Variants in CENPT observed in about 807,000 individuals in gnomAD.
CENPT encodes the protein interphase centromere complex protein 22.
CENPT carries 42 observed loss-of-function variants against 59.7 expected under a neutral mutation model. The observed-to-expected ratio is 0.70, with a 90% confidence interval of 0.55 to 0.91. The LOEUF (loss-of-function observed/expected upper bound fraction) is 0.91, where lower values mean the gene tolerates loss of function less well. CENPT is among the 40% of genes least tolerant of loss of function. CENPT has a pLI of 0.00. For missense variants in CENPT, 716 were observed against 713.4 expected, an observed-to-expected ratio of 1.00 and a Z score of -0.04; for synonymous variants, 295 against 289.6, an observed-to-expected ratio of 1.02 and a Z score of -0.19.
Position 67,842,080 on chromosome 16 carries a change from CT to C in CENPT, c.-492+5320del, listed in dbSNP as rs1206331228. The C allele has an allele frequency of 1.3e-5, 2 of 152,424 alleles. No individual in the cohort carries two copies. Among genetic ancestry groups the C allele is most frequent in the African/African-American group, 4.8e-5 (2 of 41,474 alleles). The allele number at this position is 152,424 out of a possible 1,614,324, so 9.4% of individuals were successfully genotyped here. The stretch of plus-strand genomic sequence containing the variant: ...GCGCGCACCGCCCCGCTCCACGCCC[CT>C]ATCAGGATTCGGGTCCTCGTGAGGA... On this transcript the variant is annotated intron_variant, in intron 1 of 15. Coordinates refer to ENST00000562787, the MANE Select transcript of CENPT (RefSeq NM_025082.4). The surrounding 1 kb of genome is among the most constrained non-coding windows in gnomAD (Gnocchi z 4.9).
Position 67,831,715 on chromosome 16 carries a change from G to A in CENPT, c.523+39C>T, listed in dbSNP as rs748536924. On this transcript the variant is annotated intron_variant, in intron 8 of 15. Coordinates refer to ENST00000562787, the MANE Select transcript of CENPT (RefSeq NM_025082.4). ...GACTCCTCAGCCTCTCCAGAGGACA[G>A]GAGGGAGAGGGTAGCAAAAGTGGTG... 1.8e-5 allele frequency: 29 copies of A among 1,589,190 alleles called. No individual in the cohort carries two copies. The East Asian group carries it at 6.0e-4, about 33-fold the overall frequency.
In CENPT at chr16:67,842,548, C is replaced by T. The variant is rs2057769420; in HGVS notation, c.-492+4853G>A. The T allele has an allele frequency of 6.6e-7, 1 of 1,509,964 alleles. No individual in the cohort carries two copies. The highest frequency in any genetic ancestry group is 2.5e-5 in the East Asian group (1 of 40,318). The allele number at this position is 1,509,964 out of a possible 1,614,324, so 93.5% of individuals were successfully genotyped here. On this transcript the variant is annotated intron_variant, in intron 1 of 15. Coordinates refer to ENST00000562787, the MANE Select transcript of CENPT (RefSeq NM_025082.4). The surrounding 1 kb of genome is among the most constrained non-coding windows in gnomAD (Gnocchi z 4.9). ...CGGTGGGCCGGGCCGGGCCGCGCGG[C>T]GCAGCCATGCCTGGCTTTACGTGCT...
At chr16:67,845,810 A>G (rs1405798474) in intron 1 of CENPT, among the ~76,000 whole-genome samples, 2 of 152,230 alleles carry the variant, frequency 1.3e-5, no homozygotes, top group Non-Finnish European at 2.9e-5. Context: ...ATAAGCATCT[A>G]GTCAGGCAAA....
intron 13 of CENPT, 136 bp from the exon 14 acceptor site, chr16:67,828,979 T>G: frequency 1.2e-6 from 1 of 829,442 alleles, no homozygotes; most frequent in Non-Finnish European, 1.8e-6. Context: ...CCTGACCACC[T>G]GCTGAGGGGC....
chr16:67,843,469 G>T lies in CENPT; in HGVS notation c.-492+3932C>A. The T allele has an allele frequency of 6.2e-7, 1 of 1,612,840 alleles. No individual in the cohort carries two copies. Among genetic ancestry groups the T allele is most frequent in the Non-Finnish European group, 8.5e-7 (1 of 1,179,354 alleles). On this transcript the variant is annotated intron_variant, in intron 1 of 15. Coordinates refer to ENST00000562787, the MANE Select transcript of CENPT (RefSeq NM_025082.4). This position sits in a 1 kb window ranked among gnomAD's most constrained non-coding sequence, Gnocchi z 5.7. The stretch of plus-strand genomic sequence containing the variant: ...GTGAGAAGGATCGGCTGCTTGCCAT[G>T]GCTGTCATCCGCAAGAAGCACGGAA...
At chr16:67,840,694 T>A (rs2057755176) in intron 1 of CENPT, among the ~76,000 whole-genome samples, 1 of 151,898 alleles carries the variant, frequency 6.6e-6, no homozygotes, top group Non-Finnish European at 1.5e-5. Flanking sequence ...TGACACGAGT[T>A]CACCTATGTA....
chr16:67,829,299 G>A, intron 13 of CENPT, 124 bp downstream of exon 13: 1 of 778,366 alleles, frequency 1.3e-6, no homozygotes. Context: ...CCCCAGCCCA[G>A]CTGAAGCTGC....
In CENPT at chr16:67,828,715, T is replaced by C. The variant is rs767114115; in HGVS notation, c.1409A>G (p.Tyr470Cys). ...CTTCCTCTCCATGGGCATCTTGGCA[T>C]AGAAGCTAAAGAGTTTCACATAGTG... Reference protein sequence around the residue: ...LSHYVKLFSFYAKMPMERKAL... With the variant: ...LSHYVKLFSFCAKMPMERKAL... Residue 470 changes from tyrosine (Y) to cysteine (C), a missense_variant, in exon 14 of 16, where the codon TAT (tyrosine) becomes TGT (cysteine). By Grantham distance (194) the Tyr-to-Cys change is radical. Transcript: ENST00000562787. 2.0e-5 allele frequency: 32 copies of C among 1,614,066 alleles called. No homozygotes were observed. The highest frequency in any genetic ancestry group is 2.3e-5 in the Non-Finnish European group (27 of 1,180,044).
intron 1 of CENPT, among the ~76,000 whole-genome samples, chr16:67,846,564 C>T (rs1190651625): frequency 2.0e-5 from 3 of 152,246 alleles, no homozygotes; most frequent in African/African-American, 7.2e-5. Flanking sequence ...GGCAGCTGGG[C>T]CAGCTTGGGG....
intron 4 of CENPT, among the ~76,000 whole-genome samples, chr16:67,833,247 C>G (rs939695823): frequency 1.9e-4 from 29 of 152,254 alleles, no homozygotes; most frequent in African/African-American, 6.8e-4. Flanking sequence ...TGTCCTCTAG[C>G]TCCTTTCCCA....
rs1261169531 is a variant in CENPT, at chr16:67,829,408, G to A, written c.1280+15C>T. 1.3e-6 allele frequency: 2 copies of A among 1,583,112 alleles called. No homozygotes were observed. The highest frequency in any genetic ancestry group is 2.0e-5 in the Admixed American group (1 of 50,894). ...TCCCAAGAGGCCCATGAGGAATGGG[G>A]TTGTGGGATCTTACACTGCAGCACC... On this transcript the variant is annotated intron_variant, in intron 13 of 15. Transcript: ENST00000562787.
intron 11 of CENPT, 62 bp downstream of exon 11, chr16:67,830,325 AACT>A: frequency 6.4e-7 from 1 of 1,552,660 alleles, no homozygotes; most frequent in Admixed American, 1.9e-5. Context: ...GAGGAAGGAA[AACT>A]ACCATTGTCA....
chr16:67,833,722 C>G, intron 4 of CENPT, 28 bp downstream of exon 4: 2 of 1,401,990 alleles, frequency 1.4e-6, no homozygotes, highest in Non-Finnish European at 1.9e-6. Flanking sequence ...TCTAGTTGCT[C>G]AAGTACTCGG....
At chr16:67,829,143 T>C (rs1437700645) in intron 13 of CENPT, 2 of 515,132 alleles carry the variant, frequency 3.9e-6, no homozygotes, top group Non-Finnish European at 6.8e-6. Context: ...CTCTCCTTAC[T>C]CTACTGCTGC....
In CENPT at chr16:67,833,543, G is replaced by A. The variant is rs1231428721; in HGVS notation, c.110+207C>T. Reference sequence around the variant, plus strand: ...CTGGCCCGGGCCCGGCTAGAGCAATGGAACCAGTTCTCAGAGTCCCAGGCC... The same window carrying A: ...CTGGCCCGGGCCCGGCTAGAGCAATAGAACCAGTTCTCAGAGTCCCAGGCC... On this transcript the variant is annotated intron_variant, in intron 4 of 15. Transcript: ENST00000562787. 2.0e-5 allele frequency among the ~76,000 whole-genome samples: 3 copies of A among 152,160 alleles called. No individual in the cohort carries two copies. The East Asian group carries it at 5.8e-4, about 29-fold the overall frequency.
At chr16:67,833,404 C>T (rs946800688) in intron 4 of CENPT, among the ~76,000 whole-genome samples, 1 of 152,226 alleles carries the variant, frequency 6.6e-6, no homozygotes, top group Non-Finnish European at 1.5e-5. Context: ...AGGTGAGATT[C>T]TGAACCCCTA....
rs1427021637 is a variant in CENPT, at chr16:67,828,454, C to A, written c.1562+20G>T. 2.5e-6 allele frequency: 4 copies of A among 1,614,078 alleles called. No individual in the cohort carries two copies. The highest frequency in any genetic ancestry group is 2.2e-5 in the South Asian group (2 of 91,092). ...CCAAAACTCCCCCAGCCAGCACCCC[C>A]ACACCTTCCGCCTTCTCACCGCCGC... On this transcript the variant is annotated intron_variant, in intron 15 of 15. Coordinates refer to ENST00000562787, the MANE Select transcript of CENPT (RefSeq NM_025082.4).
rs1326676483 is a variant in CENPT, at chr16:67,831,378, C to T, written c.561-20G>A. ...AGGGATCTGGTGAGGTGGGGAGGCA[C>T]AGAGGAAAGTCAGGTACCTGAGACC... On this transcript the variant is annotated intron_variant, in intron 9 of 15. Transcript: ENST00000562787. The T allele has an allele frequency of 5.6e-6, 9 of 1,609,574 alleles. No individual in the cohort carries two copies. The African/African-American group carries it at 9.3e-5, about 17-fold the overall frequency.
At chr16:67,840,430 A>G (rs1016273013) in intron 1 of CENPT, among the ~76,000 whole-genome samples, 34 of 152,348 alleles carry the variant, frequency 2.2e-4, no homozygotes, top group African/African-American at 7.7e-4. Flanking sequence ...GACCACGATC[A>G]TGTCTTTTGT....
Sources: allele counts gnomAD v4.1 joint callset (sites outside exome capture counted in the v4.1 genomes callset), GRCh38; gene constraint gnomAD v4.1.1; non-coding constraint Gnocchi (gnomAD v3.1); transcripts MANE v1.5; gene names NCBI Gene and HGNC (gene_info 2026-07-23, HGNC 2026-07-21).